Variants in BICRA observed in about 807,000 individuals in gnomAD.
BICRA encodes BRD4-interacting chromatin-remodeling complex-associated protein.
BICRA carries 31 observed loss-of-function variants against 96.9 expected under a neutral mutation model. That is an observed-to-expected ratio of 0.32 (90% confidence interval 0.24 to 0.43). The LOEUF (loss-of-function observed/expected upper bound fraction) is 0.43. Ranked by LOEUF, BICRA falls within the 20% of genes least tolerant of loss-of-function variation. BICRA has a pLI of 1.00. For missense variants in BICRA, 2,283 were observed against 2,190.3 expected (o/e 1.04, Z -0.84); for synonymous variants, 1,350 against 1,071.8 (o/e 1.26, Z -5.07).
chr19:47,608,611 G>C (rs906761017), upstream of BICRA, among the ~76,000 whole-genome samples: 9 of 152,070 alleles, frequency 5.9e-5, no homozygotes, highest in African/African-American at 2.2e-4. Context: ...ATCAGGGCTC[G>C]AGGCAGTCGA....
intron 1 of BICRA, among the ~76,000 whole-genome samples, chr19:47,624,894 A>G (rs996172787): frequency 2.0e-5 from 3 of 147,510 alleles, no homozygotes; most frequent in Admixed American, 6.8e-5. Flanking sequence ...AGGTTTCACT[A>G]TGTTGCCCAG....
rs1309195820 is a variant in BICRA at position 47,699,744 on chromosome 19, C to T, written c.3595+339C>T. ...TAAGGTAACGCCCACTCTTGGGTGC[C>T]AGTCCTTTGCTTGGGGACCCTGAGA... On this transcript the variant is annotated intron_variant, in intron 14 of 14. Coordinates refer to ENST00000594866, the MANE Select transcript of BICRA (RefSeq NM_001394372.1). This position sits in a 1 kb window ranked among gnomAD's most constrained non-coding sequence, Gnocchi z 5.0. Among the ~76,000 whole-genome samples, 5 of 152,138 alleles carry T rather than the reference C, an allele frequency of 3.3e-5. No individual in the cohort carries two copies. The highest frequency in any genetic ancestry group is 9.7e-5 in the African/African-American group (4 of 41,432).
chr19:47,657,427 T>C (rs1288697047), intron 1 of BICRA, among the ~76,000 whole-genome samples: 2 of 151,782 alleles, frequency 1.3e-5, no homozygotes, highest in African/African-American at 2.4e-5. Flanking sequence ...GACGGAGTCT[T>C]GCTCTGTCGC....
At chr19:47,674,595 C>T (rs1368559122) in intron 4 of BICRA, among the ~76,000 whole-genome samples, 1 of 152,146 alleles carries the variant, frequency 6.6e-6, no homozygotes, top group Non-Finnish European at 1.5e-5. Context: ...GGTTCAGGCT[C>T]AGGGACTCTC....
chr19:47,616,372 C>T (rs1448876592), intron 1 of BICRA, among the ~76,000 whole-genome samples: 1 of 152,214 alleles, frequency 6.6e-6, no homozygotes, highest in Non-Finnish European at 1.5e-5. Context: ...ATTGGTGGCT[C>T]ATGCCTGTAA....
In BICRA at chr19:47,679,965, G is replaced by A. The variant is rs1973006384; in HGVS notation, c.795G>A (p.Ser265=). 8 of 1,489,336 alleles carry A rather than the reference G, an allele frequency of 5.4e-6. No homozygotes were observed. Among genetic ancestry groups the A allele is most frequent in the South Asian group, 2.6e-5 (2 of 77,598 alleles). The allele number at this position is 1,489,336 out of a possible 1,614,324, so 92.3% of individuals were successfully genotyped here. A position where few individuals can be genotyped will look rare whatever the true frequency, so the allele number is the denominator to read the frequency against. Reference sequence around the variant, plus strand: ...TGCCCGTCAGCGGCTACCTGGCCTCGGCGGCTGGCCCCTCGGAGCCCGTGA... The same window carrying A: ...TGCCCGTCAGCGGCTACCTGGCCTCAGCGGCTGGCCCCTCGGAGCCCGTGA... ...KQVPVSGYLA[S]AAGPSEPVTL... is the part of the protein sequence containing the mutation. The change falls in exon 6 of 15, where the codon TCG becomes TCA. Residue 265 remains serine (S), a synonymous_variant. Coordinates refer to ENST00000594866, the MANE Select transcript of BICRA (RefSeq NM_001394372.1).
intron 1 of BICRA, among the ~76,000 whole-genome samples, chr19:47,656,969 C>G (rs548051652): frequency 6.6e-6 from 1 of 152,090 alleles, no homozygotes; most frequent in South Asian, 2.1e-4. Flanking sequence ...TCAAGAAATT[C>G]TCCTGCCTCA....
intron 1 of BICRA, among the ~76,000 whole-genome samples, chr19:47,660,213 C>T (rs1013892814): frequency 6.6e-6 from 1 of 151,540 alleles, no homozygotes; most frequent in Non-Finnish European, 1.5e-5. Flanking sequence ...TTCGCCTGGT[C>T]CAGCCCCCGG....
chr19:47,625,028 C>T (rs1972120519), intron 1 of BICRA, among the ~76,000 whole-genome samples: 1 of 119,234 alleles, frequency 8.4e-6, no homozygotes, highest in African/African-American at 3.2e-5. Flanking sequence ...GAGACAGAGT[C>T]TCACTCTGTT....
At chr19:47,692,311 C>T (rs1042430718) in intron 7 of BICRA, among the ~76,000 whole-genome samples, 1 of 152,106 alleles carries the variant, frequency 6.6e-6, no homozygotes, top group Non-Finnish European at 1.5e-5. Flanking sequence ...ACTACAACCT[C>T]CGCCTCCTGG....
chr19:47,694,808 C>T lies in BICRA; in HGVS notation c.2895+82C>T, dbSNP rs537917579. 60 of 973,146 alleles carry T rather than the reference C, an allele frequency of 6.2e-5. No individual in the cohort carries two copies. The Middle Eastern group carries it at 1.1e-3, about 19-fold the overall frequency. The allele number at this position is 973,146 out of a possible 1,614,324, so 60.3% of individuals were successfully genotyped here. ...GTCTGATGGGAGCCCCTCCGCCTTA[C>T]GGCTCTGTGATCCTCCCCAGCCCTG... is the stretch of plus-strand genomic sequence containing the variant. On this transcript the variant is annotated intron_variant, in intron 8 of 14. Transcript: ENST00000594866.
intron 1 of BICRA, among the ~76,000 whole-genome samples, chr19:47,636,117 C>T (rs1460216301): frequency 3.3e-5 from 5 of 152,132 alleles, no homozygotes; most frequent in Admixed American, 2.6e-4. Flanking sequence ...CAAGACAGCT[C>T]ATTATGTATA....
At chr19:47,654,031 A>T (rs73045742) in intron 1 of BICRA, among the ~76,000 whole-genome samples, 19,304 of 151,166 alleles carry the variant, frequency 0.13, 1,343 homozygotes, top group East Asian at 0.18. Context: ...TATGTTTTCG[A>T]CTCTCTTGGG....
Position 47,681,103 on chromosome 19 carries a change from C to A in BICRA, c.1933C>A (p.Gln645Lys). The change falls in exon 6 of 15, where the codon CAG becomes AAG. Residue 645 changes from glutamine (Q) to lysine (K), a missense_variant. Transcript: ENST00000594866. ...LPLGLQQPQA[Q>K]QPPQAPTPQA... ...CCTGGGCCTCCAGCAGCCGCAGGCG[C>A]AGCAGCCCCCGCAGGCCCCCACCCC... 1 of 1,466,632 alleles carries A rather than the reference C, an allele frequency of 6.8e-7. No individual in the cohort carries two copies. Among genetic ancestry groups the A allele is most frequent in the Non-Finnish European group, 9.1e-7 (1 of 1,104,584 alleles). The allele number at this position is 1,466,632 out of a possible 1,614,324, so 90.9% of individuals were successfully genotyped here.
intron 1 of BICRA, among the ~76,000 whole-genome samples, chr19:47,653,926 A>G (rs775014583): frequency 3.0e-4 from 46 of 151,924 alleles, no homozygotes; most frequent in Non-Finnish European, 6.0e-4. Flanking sequence ...TGTGCCTCCC[A>G]GGTTCAAGTG....
Position 47,681,017 on chromosome 19 carries a change from C to A in BICRA, c.1847C>A (p.Ala616Glu). 2 of 1,449,862 alleles carry A rather than the reference C, an allele frequency of 1.4e-6. No homozygotes were observed. The highest frequency in any genetic ancestry group is 1.3e-5 in the South Asian group (1 of 74,102). The allele number at this position is 1,449,862 out of a possible 1,614,324, so 89.8% of individuals were successfully genotyped here. Residue 616 changes from alanine (A) to glutamate (E), a missense_variant, in exon 6 of 15, where the codon GCG (alanine) becomes GAG (glutamate). By Grantham distance (107) the Ala-to-Glu change is moderately radical (BLOSUM62 -1). Coordinates refer to ENST00000594866, the MANE Select transcript of BICRA (RefSeq NM_001394372.1). ...ATPAAATGEA[A>E]PVLTVQPAPQ... ...CCTGCCGCTGCCACCGGGGAGGCCGCGCCTGTCCTCACGGTGCAGCCTGCC... is the reference window on the plus strand; with the variant it reads ...CCTGCCGCTGCCACCGGGGAGGCCGAGCCTGTCCTCACGGTGCAGCCTGCC...
chr19:47,688,373 C>A (rs1405437404), intron 7 of BICRA, among the ~76,000 whole-genome samples: 1 of 151,984 alleles, frequency 6.6e-6, no homozygotes, highest in Non-Finnish European at 1.5e-5. Context: ...TTGAGGCTAG[C>A]AGTTGAAGAC....
intron 7 of BICRA, among the ~76,000 whole-genome samples, chr19:47,684,284 G>A (rs1251719647): frequency 6.6e-6 from 1 of 152,172 alleles, no homozygotes; most frequent in African/African-American, 2.4e-5. Context: ...CTGGGTTCAA[G>A]TGATTCTCCT....
At chr19:47,687,832 A>AC (rs1555790380) in intron 7 of BICRA, among the ~76,000 whole-genome samples, 2 of 151,746 alleles carry the variant, frequency 1.3e-5, no homozygotes, top group Non-Finnish European at 2.9e-5. Flanking sequence ...AAAAAAAAAA[A>AC]AAAAAACTTG....
Sources: allele counts gnomAD v4.1 joint callset (sites outside exome capture counted in the v4.1 genomes callset), GRCh38; gene constraint gnomAD v4.1.1; non-coding constraint Gnocchi (gnomAD v3.1); transcripts MANE v1.5; gene names NCBI Gene and HGNC (gene_info 2026-07-23, HGNC 2026-07-21).